FASN: variants seen among roughly 807,000 people sequenced by gnomAD.
The protein encoded by FASN is fatty acid synthase.
A neutral mutation model predicts 250.0 loss-of-function variants in FASN; 50 were observed. That is an observed-to-expected ratio of 0.20 (90% CI 0.16 to 0.25). The LOEUF is 0.25. Among genes scored for constraint, FASN ranks in the 10% least tolerant of loss-of-function variants. The pLI is 1.00. For synonymous variants in FASN, 1,909 were observed against 1,584.0 expected, an observed-to-expected ratio of 1.21 and a Z score of -4.87; for missense variants, 3,031 against 3,498.5, an observed-to-expected ratio of 0.87 and a Z score of 3.37.
chr17:82,096,649 C>T (rs1213274523), intron 1 of FASN, 197 bp from the exon 2 acceptor site: 9 of 746,366 alleles, frequency 1.2e-5, no homozygotes, highest in East Asian at 5.5e-5. Context: ...GGAGGGGCTG[C>T]GTGCTCTGGG....
chr17:82,080,007 CG>C, intron 41 of FASN, 132 bp downstream of exon 41: 2 of 1,008,052 alleles, frequency 2.0e-6, no homozygotes, highest in South Asian at 2.7e-5. Flanking sequence ...CGCATCCGGC[CG>C]GGATCGGCTA....
intron 33 of FASN, 104 bp from the exon 34 acceptor site, chr17:82,082,782 G>A: frequency 1.3e-6 from 2 of 1,550,572 alleles, no homozygotes; most frequent in Non-Finnish European, 1.8e-6. Flanking sequence ...CATCCAGCAA[G>A]CCCCCCACAA....
intron 3 of FASN, among the ~76,000 whole-genome samples, chr17:82,094,908 G>C (rs1381376583): frequency 1.3e-5 from 2 of 150,624 alleles, no homozygotes; most frequent in Admixed American, 6.6e-5. Flanking sequence ...TGGGGTGGGG[G>C]GACGTGGGCA....
Position 82,098,160 on chromosome 17 carries a change from G to A in FASN, c.-47C>T, listed in dbSNP as rs925475061. On this transcript the variant is annotated 5_prime_UTR_variant, in exon 1 of 43. Transcript: ENST00000306749. ...GGCGGCGGTGCGGGCGGCGGAGAGC[G>A]AGGCTGGAGCGCGGCGGAGCGGGAG... is the stretch of plus-strand genomic sequence containing the variant. 19 of 356,360 alleles carry A rather than the reference G, an allele frequency of 5.3e-5. No individual in the cohort carries two copies. Among genetic ancestry groups the A allele is most frequent in the Non-Finnish European group, 7.5e-5 (15 of 198,768 alleles). 22.1% of individuals were successfully genotyped at this position (356,360 alleles called of 1,614,324 possible). A position where few individuals can be genotyped will look rare whatever the true frequency, so the allele number is the denominator to read the frequency against.
rs1480607847 is a variant in FASN, at chr17:82,096,302, G to T, written c.127+17C>A. On this transcript the variant is annotated intron_variant, in intron 2 of 42. Transcript: ENST00000306749. ...GAGCTTCACACCCCAGGCACGGGGA[G>T]CCCCGCAGCCACATACCCGCCTTCC... 2 of 1,611,336 alleles carry T rather than the reference G, an allele frequency of 1.2e-6. No individual in the cohort carries two copies. The highest frequency in any genetic ancestry group is 1.7e-6 in the Non-Finnish European group (2 of 1,179,908).
rs143036177 is a variant in FASN at position 82,095,330 on chromosome 17, G to C, written c.270C>G (p.Ile90Met). The change falls in exon 3 of 43, where the codon ATC becomes ATG. Residue 90 changes from isoleucine (I) to methionine (M), a missense_variant. Coordinates refer to ENST00000306749, the MANE Select transcript of FASN (RefSeq NM_004104.5). ...GAATGCCCGACCCACCTCCGTCCAC[G>C]ATGGCTTCATAGGTGACTTCCAGCA... is the stretch of plus-strand genomic sequence containing the variant. ...RLLLEVTYEA[I>M]VDGGINPDSL... is the part of the protein sequence containing the mutation. 3.1e-6 allele frequency: 5 copies of C among 1,612,910 alleles called. No individual in the cohort carries two copies. The highest frequency in any genetic ancestry group is 4.2e-6 in the Non-Finnish European group (5 of 1,180,008).
chr17:82,088,777 T>A lies in FASN; in HGVS notation c.2404A>T (p.Arg802Trp). 6.2e-7 allele frequency: 1 copy of A among 1,612,196 alleles called. No homozygotes were observed. The highest frequency in any genetic ancestry group is 1.7e-5 in the Admixed American group (1 of 60,012). Residue 802 changes from arginine (R) to tryptophan (W), a missense_variant, in exon 15 of 43, where the codon AGG becomes TGG. Physicochemically the swap from Arg to Trp is moderately radical, Grantham distance 101 (BLOSUM62 -3). Coordinates refer to ENST00000306749, the MANE Select transcript of FASN (RefSeq NM_004104.5). ...GGGACCCACCCTGAGAGGTGCAGCCTGCCGATGCCGGCCAGGAAGAACTCC... is the reference window on the plus strand; with the variant it reads ...GGGACCCACCCTGAGAGGTGCAGCCAGCCGATGCCGGCCAGGAAGAACTCC... The part of the protein sequence containing the change: ...NLEFFLAGIG[R>W]LHLSGIDANP...
intron 35 of FASN, 76 bp downstream of exon 35, chr17:82,082,247 C>T (rs770538873): frequency 6.8e-5 from 109 of 1,603,944 alleles, no homozygotes; most frequent in Non-Finnish European, 8.3e-5. Context: ...AGAGGGCTGT[C>T]AACAAACCAC....
At position 82,084,159 on chromosome 17, in the gene FASN, G is replaced by T. The variant is rs764311426; in HGVS notation, c.4920-6C>A. 6.2e-7 allele frequency: 1 copy of T among 1,602,562 alleles called. No homozygotes were observed. The highest frequency in any genetic ancestry group is 8.5e-7 in the Non-Finnish European group (1 of 1,175,480). On this transcript the variant is annotated splice_polypyrimidine_tract_variant and splice_region_variant and intron_variant, in intron 28 of 42. Transcript: ENST00000306749. ...AGGCCGCCTCCTCCAGCGTCCTGGG[G>T]ATGCAGCAGGTGGGTCAGCACAGGC...
At position 82,091,588 on chromosome 17, in the gene FASN, C is replaced by G. The variant is rs370752560; in HGVS notation, c.1126G>C (p.Val376Leu). Residue 376 changes from valine to leucine, a missense_variant, in exon 9 of 43, where the codon GTG becomes CTG. Physicochemically the swap from Val to Leu is conservative, Grantham distance 32. Coordinates refer to ENST00000306749, the MANE Select transcript of FASN (RefSeq NM_004104.5). Reference sequence around the variant, plus strand: ...CGGACGGGCAGGGGCTGGTCCACCACCTGCAGCCGCCCATCCAACAGCGCT... The same window carrying G: ...CGGACGGGCAGGGGCTGGTCCACCAGCTGCAGCCGCCCATCCAACAGCGCT... The part of the protein sequence containing the change: ...IPALLDGRLQ[V>L]VDQPLPVRGG... The G allele has an allele frequency of 5.7e-6, 9 of 1,588,712 alleles. No individual in the cohort carries two copies. The highest frequency in any genetic ancestry group is 1.1e-5 in the South Asian group (1 of 87,418).
In FASN at chr17:82,081,986, C is replaced by T. The variant is rs372789450; in HGVS notation, c.6163+23G>A. 188 of 1,562,866 alleles carry T rather than the reference C, an allele frequency of 1.2e-4. 1 individual carries two copies. The South Asian group carries it at 1.6e-3, about 14-fold the overall frequency. On this transcript the variant is annotated intron_variant, in intron 36 of 42. Transcript: ENST00000306749. ...TGGGAGAGGGCAGGGTGGGCAGGGT[C>T]GAGGGGAGAGGGTGGGGCCCACCTG... is the stretch of plus-strand genomic sequence containing the variant.
Position 82,089,230 on chromosome 17 carries a change from C to G in FASN, c.2100+20G>C, listed in dbSNP as rs2034159746. The G allele has an allele frequency of 6.2e-7, 1 of 1,611,674 alleles. No individual in the cohort carries two copies. The highest frequency in any genetic ancestry group is 2.2e-5 in the East Asian group (1 of 44,806). ...GGGTCCCCTGGCCCGCCCCGCACCC[C>G]CCAGGCCGTATTAGTCCACCTTCTT... On this transcript the variant is annotated intron_variant, in intron 13 of 42. Coordinates refer to ENST00000306749, the MANE Select transcript of FASN (RefSeq NM_004104.5).
rs1004678765 is a variant in FASN at position 82,086,111 on chromosome 17, C to T, written c.3732+143G>A. On this transcript the variant is annotated intron_variant, in intron 22 of 42. Coordinates refer to ENST00000306749, the MANE Select transcript of FASN (RefSeq NM_004104.5). ...GTGGCTGTGTGGACCGCACAGGACACGTGCACAGAACCACACAGGGAACTG... is the reference window on the plus strand; with the variant it reads ...GTGGCTGTGTGGACCGCACAGGACATGTGCACAGAACCACACAGGGAACTG... The T allele has an allele frequency of 3.6e-5, 51 of 1,420,982 alleles. No homozygotes were observed. In the African/African-American group the frequency reaches 4.5e-4, roughly 13 times the overall value. The allele number at this position is 1,420,982 out of a possible 1,614,324, so 88.0% of individuals were successfully genotyped here. A position where few individuals can be genotyped will look rare whatever the true frequency, so the allele number is the denominator to read the frequency against.
At chr17:82,089,519 TGCCCCAG>T in intron 12 of FASN, 106 bp downstream of exon 12, 4 of 1,554,820 alleles carry the variant, frequency 2.6e-6, no homozygotes, top group Non-Finnish European at 2.6e-6. Context: ...ACCTGCCCCA[TGCCCCAG>T]GCCCGTCAGA....
chr17:82,088,581 T>C lies in FASN; in HGVS notation c.2421-19A>G. 6.2e-7 allele frequency: 1 copy of C among 1,601,240 alleles called. No individual in the cohort carries two copies. The highest frequency in any genetic ancestry group is 1.3e-5 in the African/African-American group (1 of 74,790). ...GTCGATGCTACGGAGAAGGGAGGCA[T>C]GGGTAGCACACCCGTCACCGGGGTC... On this transcript the variant is annotated intron_variant, in intron 15 of 42. Coordinates refer to ENST00000306749, the MANE Select transcript of FASN (RefSeq NM_004104.5).
In FASN at chr17:82,078,672, A is replaced by C; in HGVS notation, c.*471T>G. On this transcript the variant is annotated 3_prime_UTR_variant, in exon 43 of 43. Transcript: ENST00000306749. The surrounding 1 kb of genome is among the most constrained non-coding windows in gnomAD (Gnocchi z 5.4). ...CGGGCTGAGCCAATGCCTGGCCGAG[A>C]GGGGGCCGCAGCCAGCAGGCTTGGG... 4.3e-6 allele frequency: 1 copy of C among 232,236 alleles called. No homozygotes were observed. The highest frequency in any genetic ancestry group is 8.7e-6 in the Non-Finnish European group (1 of 115,538). The allele number at this position is 232,236 out of a possible 1,614,324, so 14.4% of individuals were successfully genotyped here. A position where few individuals can be genotyped will look rare whatever the true frequency, so the allele number is the denominator to read the frequency against.
intron 2 of FASN, among the ~76,000 whole-genome samples, chr17:82,096,111 C>A (rs1330895674): frequency 6.6e-6 from 1 of 152,246 alleles, no homozygotes; most frequent in African/African-American, 2.4e-5. Flanking sequence ...GCAGGCTGGG[C>A]GCATTTTCTA....
At position 82,090,530 on chromosome 17, in the gene FASN, A is replaced by G. The variant is rs2034185970; in HGVS notation, c.1715T>C (p.Leu572Pro). ...GLIDLLSCMGLRPDGIVGHSL... is the reference protein window; with the variant it reads ...GLIDLLSCMGPRPDGIVGHSL... ...GTGGCCGACGATGCCATCTGGCCTC[A>G]GCCCCATGCAGCTCAGCAGGTCTAT... The change falls in exon 11 of 43, where the codon CTG (leucine) becomes CCG (proline). Residue 572 changes from leucine to proline, a missense_variant. Leu to Pro is a moderately conservative substitution (Grantham distance 98, BLOSUM62 -3). Transcript: ENST00000306749. 2.5e-6 allele frequency: 4 copies of G among 1,611,852 alleles called. No individual in the cohort carries two copies. Among genetic ancestry groups the G allele is most frequent in the African/African-American group, 1.3e-5 (1 of 74,898 alleles).
rs1308291477 is a variant in FASN at position 82,098,212 on chromosome 17, G to A, written c.-99C>T. On this transcript the variant is annotated 5_prime_UTR_variant, in exon 1 of 43. Coordinates refer to ENST00000306749, the MANE Select transcript of FASN (RefSeq NM_004104.5). ...CTGAAGCGCGGCGGAGAGGGAGGCCGGGGCCGCTGCCGTCTCTCTGGCTCC... is the reference window on the plus strand; with the variant it reads ...CTGAAGCGCGGCGGAGAGGGAGGCCAGGGCCGCTGCCGTCTCTCTGGCTCC... The A allele has an allele frequency of 8.2e-6, 3 of 367,726 alleles. No individual in the cohort carries two copies. The highest frequency in any genetic ancestry group is 9.2e-5 in the Admixed American group (2 of 21,636). 22.8% of individuals were successfully genotyped at this position (367,726 alleles called of 1,614,324 possible). A position where few individuals can be genotyped will look rare whatever the true frequency, so the allele number is the denominator to read the frequency against.
Sources: gnomAD v4.1 joint callset for allele counts (sites outside exome capture counted in the v4.1 genomes callset) on GRCh38, gnomAD v4.1.1 for gene constraint, Gnocchi (gnomAD v3.1) non-coding constraint, MANE v1.5 for transcripts, NCBI Gene and HGNC (gene_info 2026-07-23, HGNC 2026-07-21) for gene names.